DGCR2: variants seen among roughly 807,000 people sequenced by gnomAD.
DGCR2 encodes DiGeorge syndrome critical region gene 2, also known as integral membrane protein DGCR2/IDD.
Under a neutral mutation model 51.6 loss-of-function variants are expected in DGCR2, and 24 were observed. That is an observed-to-expected ratio of 0.47 (90% CI 0.34 to 0.65). The LOEUF (loss-of-function observed/expected upper bound fraction) is 0.65. Ranked by LOEUF, DGCR2 falls within the 30% of genes least tolerant of loss-of-function variation. The pLI, the probability that DGCR2 is intolerant of heterozygous loss-of-function variation, is 0.01. For missense variants in DGCR2, 765 were observed against 772.1 expected (o/e 0.99, Z 0.11); for synonymous variants, 340 against 315.4 (o/e 1.08, Z -0.82).
intron 9 of DGCR2, among the ~76,000 whole-genome samples, 198 bp downstream of exon 9, chr22:19,040,860 T>C (rs532166882): frequency 1.8e-3 from 267 of 152,220 alleles, no homozygotes; most frequent in Non-Finnish European, 2.6e-3. Context: ...CTGCACAGAT[T>C]GCCAAGGGCG....
intron 6 of DGCR2, among the ~76,000 whole-genome samples, chr22:19,053,377 T>C (rs923760533): frequency 8.5e-5 from 13 of 152,158 alleles, no homozygotes; most frequent in African/African-American, 1.2e-4. Context: ...CCCAAAGGGA[T>C]GACCTCAAGT....
chr22:19,114,275 T>C (rs546922952), intron 1 of DGCR2, among the ~76,000 whole-genome samples: 4 of 152,280 alleles, frequency 2.6e-5, no homozygotes, highest in Non-Finnish European at 5.9e-5. Context: ...TGTATGAATG[T>C]TAGCAAATGT....
chr22:19,101,982 G>A (rs1437587342), intron 1 of DGCR2, among the ~76,000 whole-genome samples: 3 of 152,172 alleles, frequency 2.0e-5, no homozygotes, highest in African/African-American at 7.2e-5. Flanking sequence ...TTGAACCTGG[G>A]AAGCAGAGGT....
intron 1 of DGCR2, among the ~76,000 whole-genome samples, chr22:19,089,934 G>T (rs543839532): frequency 2.3e-4 from 35 of 152,188 alleles, no homozygotes; most frequent in Non-Finnish European, 4.6e-4. Flanking sequence ...AATATGTATT[G>T]TCTATGGCTG....
At chr22:19,104,206 G>C (rs1313411777) in intron 1 of DGCR2, among the ~76,000 whole-genome samples, 1 of 152,086 alleles carries the variant, frequency 6.6e-6, no homozygotes, top group African/African-American at 2.4e-5. Flanking sequence ...GGAGCCCCTA[G>C]AAGGGTCAGG....
intron 6 of DGCR2, among the ~76,000 whole-genome samples, chr22:19,051,195 A>C (rs1158279155): frequency 7.1e-6 from 1 of 140,872 alleles, no homozygotes; most frequent in African/African-American, 3.1e-5. Flanking sequence ...TCACAAAAAA[A>C]AAAAAAAAAA....
At chr22:19,092,897 A>AG (rs1380774794) in intron 1 of DGCR2, among the ~76,000 whole-genome samples, 1 of 150,578 alleles carries the variant, frequency 6.6e-6, no homozygotes, top group Non-Finnish European at 1.5e-5. Flanking sequence ...AGAAAAATGA[A>AG]GAGGAGGAGG....
At chr22:19,113,442 C>A (rs9789944) in intron 1 of DGCR2, among the ~76,000 whole-genome samples, 27,124 of 151,902 alleles carry the variant, frequency 0.18, 2,586 homozygotes, top group South Asian at 0.29. Flanking sequence ...CGTATGCACA[C>A]ACCTCTTGGG....
At chr22:19,051,941 C>T (rs1445936205) in intron 6 of DGCR2, among the ~76,000 whole-genome samples, 1 of 152,098 alleles carries the variant, frequency 6.6e-6, no homozygotes, top group African/African-American at 2.4e-5. Flanking sequence ...AAACAGTAAG[C>T]GCTGGGGAGG....
chr22:19,048,634 C>T lies in DGCR2; in HGVS notation c.812G>A (p.Cys271Tyr), dbSNP rs1569040596. The T allele has an allele frequency of 6.2e-7, 1 of 1,614,236 alleles. No homozygotes were observed. The highest frequency in any genetic ancestry group is 8.5e-7 in the Non-Finnish European group (1 of 1,180,030). ...CACCACGTTGTCCTTGATGTCAACA[C>T]ATGTTTGACCTGCAATGAGCATACA... ...SSFLCKRSQTCVDIKDNVVDE... is the reference protein window; with the variant it reads ...SSFLCKRSQTYVDIKDNVVDE... Residue 271 changes from cysteine (C) to tyrosine (Y), a missense_variant, in exon 7 of 10, where the codon TGT (cysteine) becomes TAT (tyrosine). By Grantham distance (194) the Cys-to-Tyr change is radical (BLOSUM62 -2). Transcript: ENST00000263196.
chr22:19,061,607 C>T (rs781385018), intron 5 of DGCR2: 1 of 152,222 alleles, frequency 6.6e-6, no homozygotes, highest in Admixed American at 6.5e-5. Flanking sequence ...TTTCTTTAAT[C>T]TCTTTAAGCC....
chr22:19,049,193 A>G (rs118048127), intron 6 of DGCR2, among the ~76,000 whole-genome samples: 124 of 152,374 alleles, frequency 8.1e-4, no homozygotes, highest in Admixed American at 2.0e-3. Flanking sequence ...TGCAGCTGCT[A>G]TGAGTATTAA....
chr22:19,082,222 CT>C (rs56725898), intron 2 of DGCR2, among the ~76,000 whole-genome samples: 2,134 of 88,082 alleles, frequency 0.024, 79 homozygotes, highest in South Asian at 0.098. Context: ...CTAATTATTT[CT>C]TTTTTTTTTT....
intron 1 of DGCR2, among the ~76,000 whole-genome samples, chr22:19,097,583 G>A (rs1481102826): frequency 6.6e-6 from 1 of 152,164 alleles, no homozygotes; most frequent in Non-Finnish European, 1.5e-5. Context: ...TGAGGGCACA[G>A]GTCATGTCTG....
rs1491258740 is a variant in DGCR2 at position 19,062,775 on chromosome 22, G to GCTCTCTCTCTCTCTCTCT, written c.625+426_625+427insAGAGAGAGAGAGAGAGAG. 8.5e-4 allele frequency among the ~76,000 whole-genome samples: 93 copies of GCTCTCTCTCTCTCTCTCT among 108,956 alleles called. 5 individuals carry two copies. The highest frequency in any genetic ancestry group is 1.4e-3 in the Admixed American group (15 of 10,802). 71.5% of individuals were successfully genotyped at this position (108,956 alleles called of 152,430 possible). A position where few individuals can be genotyped will look rare whatever the true frequency, so the allele number is the denominator to read the frequency against. Reference sequence around the variant, plus strand: ...TCTTTGCGCACACACACACATGCATGCTCACTCTCTCTCTCTCTCTCTCTC... The same window carrying GCTCTCTCTCTCTCTCTCT: ...TCTTTGCGCACACACACACATGCATGCTCTCTCTCTCTCTCTCTCTCACTCTCTCTCTCTCTCTCTCTC... On this transcript the variant is annotated intron_variant, in intron 5 of 9. Transcript: ENST00000263196.
At chr22:19,042,020 G>A in intron 7 of DGCR2, 61 bp from the exon 8 acceptor site, 1 of 1,551,096 alleles carries the variant, frequency 6.4e-7, no homozygotes, top group Non-Finnish European at 8.7e-7. Flanking sequence ...GCTACGCTGG[G>A]GATGCTGTCG....
At chr22:19,042,054 T>TGGACA (rs2146302914) in intron 7 of DGCR2, 95 bp from the exon 8 acceptor site, 2 of 1,435,892 alleles carry the variant, frequency 1.4e-6, no homozygotes, top group East Asian at 4.9e-5. Context: ...GCGGGCTGTG[T>TGGACA]GGACAAGGCA....
intron 9 of DGCR2, 112 bp downstream of exon 9, chr22:19,040,946 G>A (rs1199243003): frequency 2.0e-6 from 2 of 984,750 alleles, no homozygotes; most frequent in African/African-American, 3.3e-5. Context: ...CAAAGACAAA[G>A]CCGGAAAGAA....
In DGCR2 at chr22:19,113,682, C is replaced by T. The variant is rs557822321; in HGVS notation, c.79+8446G>A. 2.0e-5 allele frequency among the ~76,000 whole-genome samples: 3 copies of T among 152,254 alleles called. No homozygotes were observed. The South Asian group carries it at 6.2e-4, about 32-fold the overall frequency. ...GCGACACGCTCCCATCCTGAAAAGGCCAGGTGAAGGGGTTTCCACTTGCCA... is the reference window on the plus strand; with the variant it reads ...GCGACACGCTCCCATCCTGAAAAGGTCAGGTGAAGGGGTTTCCACTTGCCA... On this transcript the variant is annotated intron_variant, in intron 1 of 9. Transcript: ENST00000263196.
Sources: allele counts gnomAD v4.1 joint callset (sites outside exome capture counted in the v4.1 genomes callset), GRCh38; gene constraint gnomAD v4.1.1; transcripts MANE v1.5; gene names NCBI Gene and HGNC (gene_info 2026-07-23, HGNC 2026-07-21).